Variants in TUT4 observed in about 807,000 individuals in gnomAD.
TUT4 encodes the protein terminal uridylyltransferase 4.
Under a neutral mutation model 192.2 loss-of-function variants are expected in TUT4, and 36 were observed. The observed-to-expected ratio is 0.19, with a 90% CI of 0.14 to 0.25. The LOEUF (loss-of-function observed/expected upper bound fraction) is 0.25, where lower values mean the gene tolerates loss of function less well. Ranked by LOEUF, TUT4 falls within the 10% of genes least tolerant of loss-of-function variation. The pLI is 1.00. For synonymous variants in TUT4, 618 were observed against 666.0 expected, an observed-to-expected ratio of 0.93 and a Z score of 1.11; for missense variants, 1,493 against 1,957.2, an observed-to-expected ratio of 0.76 and a Z score of 4.47.
At chr1:52,468,473 G>T in intron 14 of TUT4, 1 of 462,828 alleles carries the variant, frequency 2.2e-6, no homozygotes, top group Non-Finnish European at 3.8e-6. Context: ...GCAACCCAGG[G>T]GAAGAAACGA....
chr1:52,513,412 A>AAAAAAAAAAAAAT (rs1352926969), intron 3 of TUT4, among the ~76,000 whole-genome samples: 1 of 150,422 alleles, frequency 6.6e-6, no homozygotes, highest in African/African-American at 2.5e-5. Context: ...AAAAAAAAAA[A>AAAAAAAAAAAAAT]AAGTACAATG....
intron 15 of TUT4, among the ~76,000 whole-genome samples, chr1:52,466,883 T>C (rs559133614): frequency 1.2e-3 from 186 of 151,976 alleles, no homozygotes; most frequent in Non-Finnish European, 2.1e-3. Flanking sequence ...GCCAGACTCG[T>C]CTCGAACTCC....
At chr1:52,447,204 C>T (rs112420812) in intron 20 of TUT4, among the ~76,000 whole-genome samples, 15,291 of 152,054 alleles carry the variant, frequency 0.1, 961 homozygotes, top group East Asian at 0.2. Context: ...AATCCCAGCA[C>T]TTTGGGAGGC....
At chr1:52,439,404 C>T (rs1299352747) in intron 24 of TUT4, among the ~76,000 whole-genome samples, 2 of 152,150 alleles carry the variant, frequency 1.3e-5, no homozygotes, top group Non-Finnish European at 2.9e-5. Context: ...TTTCCAAAGT[C>T]TTAGAACCAG....
At chr1:52,490,150 C>CTTTT (rs34451806) in intron 8 of TUT4, among the ~76,000 whole-genome samples, 6 of 120,370 alleles carry the variant, frequency 5.0e-5, no homozygotes, top group Admixed American at 9.3e-5. Context: ...AGAAGAGAGG[C>CTTTT]TTTTTTTTTT....
At chr1:52,543,976 C>T (rs189905472) in intron 1 of TUT4, among the ~76,000 whole-genome samples, 6 of 151,962 alleles carry the variant, frequency 3.9e-5, no homozygotes, top group East Asian at 1.9e-4. Context: ...ACTTCCTAGT[C>T]GCAAAACTTA....
At chr1:52,552,019 G>A (rs1689579138) in intron 1 of TUT4, among the ~76,000 whole-genome samples, 1 of 152,132 alleles carries the variant, frequency 6.6e-6, no homozygotes, top group Non-Finnish European at 1.5e-5. Context: ...CGATAGGGCA[G>A]GTCAAATGTG....
chr1:52,539,920 C>CA (rs1169210794), intron 1 of TUT4, among the ~76,000 whole-genome samples: 10 of 136,262 alleles, frequency 7.3e-5, no homozygotes, highest in South Asian at 2.3e-4. Flanking sequence ...AAAAAAAAAA[C>CA]AAAAAAAACA....
chr1:52,445,215 G>A (rs1657196415), intron 24 of TUT4, among the ~76,000 whole-genome samples: 1 of 151,886 alleles, frequency 6.6e-6, no homozygotes. Flanking sequence ...GCAAAAACCA[G>A]AGTGAGGCCA....
intron 10 of TUT4, 73 bp downstream of exon 10, chr1:52,481,731 T>C (rs1668519864): frequency 6.5e-7 from 1 of 1,544,564 alleles, no homozygotes; most frequent in East Asian, 2.3e-5. Context: ...CAGCTTAAAA[T>C]GTTTGAGCAG....
In TUT4 at chr1:52,477,817, T is replaced by C. The variant is rs747503238; in HGVS notation, c.1914A>G (p.Lys638=). 6.2e-7 allele frequency: 1 copy of C among 1,614,092 alleles called. No individual in the cohort carries two copies. Among genetic ancestry groups the C allele is most frequent in the Non-Finnish European group, 8.5e-7 (1 of 1,179,972 alleles). Residue 638 remains lysine, a synonymous_variant, in exon 12 of 30, where the codon AAA becomes AAG. Coordinates refer to ENST00000257177, the MANE Select transcript of TUT4 (RefSeq NM_001009881.3). ...SLGQLWLELL[K]FYTLDFALEE... ...CCAAAGCAAAATCCAGTGTGTAGAATTTAAGCAGCTCTAACCATAACTGTC... is the reference window on the plus strand; with the variant it reads ...CCAAAGCAAAATCCAGTGTGTAGAACTTAAGCAGCTCTAACCATAACTGTC...
intron 20 of TUT4, among the ~76,000 whole-genome samples, chr1:52,451,490 A>G (rs1659405944): frequency 1.3e-5 from 2 of 152,194 alleles, no homozygotes; most frequent in Admixed American, 6.5e-5. Flanking sequence ...TAAAAGAATA[A>G]TAACACTATG....
chr1:52,462,626 T>C (rs1293549816), intron 16 of TUT4: 2 of 647,046 alleles, frequency 3.1e-6, no homozygotes, highest in East Asian at 2.8e-4. Flanking sequence ...ACATGAGACA[T>C]GTATGTAAAG....
intron 15 of TUT4, 25 bp downstream of exon 15, chr1:52,468,156 A>G: frequency 1.3e-6 from 2 of 1,550,344 alleles, no homozygotes; most frequent in Non-Finnish European, 1.8e-6. Flanking sequence ...CAAAAACGCA[A>G]TAAATTTTTT....
intron 24 of TUT4, among the ~76,000 whole-genome samples, chr1:52,445,216 A>C (rs1166665699): frequency 6.6e-6 from 1 of 151,908 alleles, no homozygotes; most frequent in African/African-American, 2.4e-5. Context: ...CAAAAACCAG[A>C]GTGAGGCCAA....
chr1:52,507,931 C>T (rs1469600952), intron 4 of TUT4, among the ~76,000 whole-genome samples: 1 of 152,132 alleles, frequency 6.6e-6, no homozygotes, highest in Non-Finnish European at 1.5e-5. Context: ...ATACCTCAGC[C>T]TCCCAAGAAG....
At chr1:52,499,521 A>G (rs1173523143) in intron 4 of TUT4, among the ~76,000 whole-genome samples, 1 of 152,078 alleles carries the variant, frequency 6.6e-6, no homozygotes, top group Non-Finnish European at 1.5e-5. Context: ...GGATCACTTG[A>G]GCCCAAGAGT....
chr1:52,453,177 G>T (rs933872265), intron 20 of TUT4, among the ~76,000 whole-genome samples: 1 of 152,038 alleles, frequency 6.6e-6, no homozygotes, highest in Non-Finnish European at 1.5e-5. Flanking sequence ...CTGACATAAG[G>T]AGTTCGAGAC....
At chr1:52,538,654 A>C (rs1685627393) in intron 1 of TUT4, 3 of 151,628 alleles carry the variant, frequency 2.0e-5, no homozygotes, top group Non-Finnish European at 4.4e-5. Flanking sequence ...CTAAAAAAAA[A>C]AAAAGAAAAG....
Sources: allele counts gnomAD v4.1 joint callset (sites outside exome capture counted in the v4.1 genomes callset), GRCh38; gene constraint gnomAD v4.1.1; transcripts MANE v1.5; gene names NCBI Gene and HGNC (gene_info 2026-07-23, HGNC 2026-07-21).